Variants in FAM107A observed in about 807,000 individuals in gnomAD.
FAM107A encodes family with sequence similarity 107 member A, also known as actin-associated protein FAM107A.
A neutral mutation model predicts 13.7 loss-of-function variants in FAM107A; 19 were observed. That is an observed-to-expected ratio of 1.38 (90% CI 0.97 to 2.03). FAM107A has a LOEUF of 2.03. FAM107A is among the 30% of genes most tolerant of loss of function. The probability of loss-of-function intolerance (pLI) is 0.00; values close to 1 mark genes in which losing one functional copy is unlikely to be tolerated. For missense variants in FAM107A, 203 were observed against 184.4 expected (o/e 1.10, Z -0.58); for synonymous variants, 82 against 74.5 (o/e 1.10, Z -0.52).
At chr3:58,627,437 G>A (rs993622761) in exon 1 of FAM107A, 9 of 171,868 alleles carry the variant, frequency 5.2e-5, no homozygotes, top group African/African-American at 1.9e-4. Context: ...CCACTCAGCC[G>A]ACAGGGCCAG....
Position 58,569,807 on chromosome 3 carries a change from C to A in FAM107A, c.54G>T (p.Arg18=). 2 of 1,614,144 alleles carry A rather than the reference C, an allele frequency of 1.2e-6. No individual in the cohort carries two copies. Among genetic ancestry groups the A allele is most frequent in the Non-Finnish European group, 1.7e-6 (2 of 1,179,998 alleles). ...ERADIGGLMA[R]PEYREWNPEL... is the part of the protein sequence containing the mutation. Reference sequence around the variant, plus strand: ...CCGGATTCCACTCTCTGTATTCTGGCCGGGCCATCAGGCCCCCAATGTCTG... The same window carrying A: ...CCGGATTCCACTCTCTGTATTCTGGACGGGCCATCAGGCCCCCAATGTCTG... Residue 18 remains arginine, a synonymous_variant, in exon 2 of 4, where the codon CGG becomes CGT. Transcript: ENST00000360997. The surrounding 1 kb of genome is among the most constrained non-coding windows in gnomAD (Gnocchi z 5.7).
At chr3:58,619,673 A>T (rs2065935391) in intron 1 of FAM107A, among the ~76,000 whole-genome samples, 1 of 152,060 alleles carries the variant, frequency 6.6e-6, no homozygotes, top group African/African-American at 2.4e-5. Flanking sequence ...GTCCCTGGGG[A>T]TGGCTTATTT....
rs145836942 is a variant in FAM107A, at chr3:58,601,821, C to T, written c.-69-12552G>A. ...CTTCAAGTCATGCTAATAATCACCC[C>T]GGAATGTATTTGCTGGGTGGGTTTG... On this transcript the variant is annotated intron_variant, in intron 1 of 3. Transcript: ENST00000465970. Among the ~76,000 whole-genome samples the T allele has an allele frequency of 2.3e-4, 35 of 152,258 alleles. No individual in the cohort carries two copies. The East Asian group carries it at 4.1e-3, about 18-fold the overall frequency.
intron 1 of FAM107A, among the ~76,000 whole-genome samples, chr3:58,611,575 G>T (rs572551892): frequency 1.3e-5 from 2 of 152,366 alleles, no homozygotes; most frequent in African/African-American, 4.8e-5. Flanking sequence ...GGGAAATGCT[G>T]CTTCAGGGAT....
upstream of FAM107A, among the ~76,000 whole-genome samples, chr3:58,587,474 AGTGTGTGTGTGTGTGTGTGT>A (rs376881213): frequency 5.0e-4 from 73 of 145,562 alleles, no homozygotes; most frequent in African/African-American, 1.7e-3. Context: ...ATCAGCTTAG[AGTGTGTGTGTGTGTGTGTGT>A]GTGTGTGTGT....
intron 1 of FAM107A, among the ~76,000 whole-genome samples, chr3:58,597,446 T>A (rs1335947643): frequency 6.6e-6 from 1 of 152,222 alleles, no homozygotes; most frequent in Non-Finnish European, 1.5e-5. Context: ...AATTTGGAGC[T>A]CAGGGTATTT....
At chr3:58,589,309 G>C (rs1437689253), upstream of FAM107A, 2 of 1,379,326 alleles carry the variant, frequency 1.4e-6, no homozygotes. Flanking sequence ...GAGGACCCTT[G>C]GTTCTTTGGC....
chr3:58,623,598 C>T lies in FAM107A; in HGVS notation c.-70+3818G>A, dbSNP rs543001309. Among the ~76,000 whole-genome samples the T allele has an allele frequency of 1.6e-4, 24 of 152,292 alleles. No homozygotes were observed. The South Asian group carries it at 5.0e-3, about 32-fold the overall frequency. ...CTCAGAGGGGTTAAATGAGATGCCC[C>T]GACAGGGGCTCCAGGTGGGATGTGA... On this transcript the variant is annotated intron_variant, in intron 1 of 3. Coordinates refer to the FAM107A transcript ENST00000465970.
intron 1 of FAM107A, among the ~76,000 whole-genome samples, chr3:58,575,474 C>T (rs960282577): frequency 6.6e-6 from 1 of 151,720 alleles, no homozygotes; most frequent in Non-Finnish European, 1.5e-5. Flanking sequence ...CCAGTGGTAC[C>T]CTGTTTTATA....
Position 58,617,725 on chromosome 3 carries a change from C to A in FAM107A, c.-70+9691G>T, listed in dbSNP as rs142141160. Reference sequence around the variant, plus strand: ...ACCCTTTCAAGATAGAAATTAAATTCTCCTGAACTTTAGGCCCCTCTTCAG... The same window carrying A: ...ACCCTTTCAAGATAGAAATTAAATTATCCTGAACTTTAGGCCCCTCTTCAG... On this transcript the variant is annotated intron_variant, in intron 1 of 3. Transcript: ENST00000465970. This position sits in a 1 kb window ranked among gnomAD's most constrained non-coding sequence, Gnocchi z 4.5. 2.7e-4 allele frequency among the ~76,000 whole-genome samples: 41 copies of A among 152,272 alleles called. 2 individuals are homozygous for A. In the East Asian group the frequency reaches 7.7e-3, roughly 29 times the overall value.
intron 1 of FAM107A, among the ~76,000 whole-genome samples, chr3:58,612,758 C>T (rs910944364): frequency 6.6e-6 from 1 of 151,958 alleles, no homozygotes; most frequent in African/African-American, 2.4e-5. Context: ...TAAAAAAGAG[C>T]TAAGTTCACT....
rs2063662066 is a variant in FAM107A, at chr3:58,569,745, T to C, written c.116A>G (p.Lys39Arg). 1 of 1,614,068 alleles carries C rather than the reference T, an allele frequency of 6.2e-7. No homozygotes were observed. Among genetic ancestry groups the C allele is most frequent in the Non-Finnish European group, 8.5e-7 (1 of 1,179,964 alleles). ...GAGCTCCTGGTGACTCCGAGAGGCC[T>C]TCACGGGGTTCAGCAGCTTCTTGGG... ...IKPKKLLNPVKASRSHQELHR... is the reference protein window; with the variant it reads ...IKPKKLLNPVRASRSHQELHR... The change falls in exon 2 of 4, where the codon AAG (lysine) becomes AGG (arginine). Residue 39 changes from lysine (K) to arginine (R), a missense_variant. Transcript: ENST00000360997. The surrounding 1 kb of genome is among the most constrained non-coding windows in gnomAD (Gnocchi z 5.7).
At chr3:58,623,068 C>A (rs374996245) in intron 1 of FAM107A, among the ~76,000 whole-genome samples, 1 of 152,170 alleles carries the variant, frequency 6.6e-6, no homozygotes, top group East Asian at 1.9e-4. Context: ...CTGGGCTTGG[C>A]GGCCCTGAGC....
chr3:58,600,958 G>T (rs2065748351), intron 1 of FAM107A, among the ~76,000 whole-genome samples: 1 of 152,172 alleles, frequency 6.6e-6, no homozygotes, highest in African/African-American at 2.4e-5. Flanking sequence ...GTAATCAGAT[G>T]CAGCCTTACC....
intron 1 of FAM107A, chr3:58,626,923 C>A: frequency 3.9e-6 from 6 of 1,529,364 alleles, no homozygotes; most frequent in Non-Finnish European, 5.3e-6. Flanking sequence ...TAGGTCCAGT[C>A]TCCCTTCCCA....
upstream of FAM107A, among the ~76,000 whole-genome samples, chr3:58,578,088 G>T (rs2063745319): frequency 6.6e-6 from 1 of 152,158 alleles, no homozygotes; most frequent in African/African-American, 2.4e-5. Flanking sequence ...TACCAGGGTG[G>T]TTGGGAGATG....
chr3:58,593,930 C>A (rs2065676765), intron 1 of FAM107A, among the ~76,000 whole-genome samples: 1 of 152,142 alleles, frequency 6.6e-6, no homozygotes, highest in Admixed American at 6.5e-5. Flanking sequence ...CACTTATCCG[C>A]ATCTACTTAC....
intron 1 of FAM107A, among the ~76,000 whole-genome samples, chr3:58,572,190 G>A (rs755952651): frequency 2.5e-4 from 38 of 152,072 alleles, no homozygotes; most frequent in Non-Finnish European, 3.5e-4. Flanking sequence ...ACACATGTTC[G>A]AGTTCCTGTG....
chr3:58,606,998 T>C (rs960288891), intron 1 of FAM107A: 16 of 152,290 alleles, frequency 1.1e-4, no homozygotes, highest in African/African-American at 3.4e-4. Context: ...AGACACAGGA[T>C]CCAGCCTTGC....
Sources: allele counts gnomAD v4.1 joint callset (sites outside exome capture counted in the v4.1 genomes callset), GRCh38; gene constraint gnomAD v4.1.1; non-coding constraint Gnocchi (gnomAD v3.1); transcripts MANE v1.5; gene names NCBI Gene and HGNC (gene_info 2026-07-23, HGNC 2026-07-21).